The following AGBL5 variants were observed in gnomAD, a reference collection of about 807,000 sequenced individuals.
AGBL5 encodes AGBL carboxypeptidase 5.
Under a neutral mutation model 88.0 loss-of-function variants are expected in AGBL5, and 51 were observed. The observed-to-expected ratio is 0.58, with a 90% CI of 0.46 to 0.73. AGBL5 has a LOEUF of 0.73. Ranked by LOEUF, AGBL5 falls within the 30% of genes least tolerant of loss-of-function variation. The probability of loss-of-function intolerance (pLI) is 0.00; values close to 1 mark genes in which losing one functional copy is unlikely to be tolerated. For missense variants in AGBL5, 1,031 were observed against 1,162.2 expected, an observed-to-expected ratio of 0.89 and a Z score of 1.64; for synonymous variants, 446 against 438.8, an observed-to-expected ratio of 1.02 and a Z score of -0.21.
chr2:27,059,095 C>G, intron 10 of AGBL5, 95 bp from the exon 11 acceptor site: 1 of 1,264,190 alleles, frequency 7.9e-7, no homozygotes. Context: ...GCCTTTTTAC[C>G]CCAGAGGTGA....
At chr2:27,063,044 G>A (rs1049988003) in intron 11 of AGBL5, 2 of 152,248 alleles carry the variant, frequency 1.3e-5, no homozygotes, top group African/African-American at 4.8e-5. Flanking sequence ...AACGGGGTGA[G>A]ATGACCAGAG....
chr2:27,056,256 A>G (rs1396129941), intron 7 of AGBL5, 118 bp downstream of exon 7: 1 of 1,101,086 alleles, frequency 9.1e-7, no homozygotes, highest in African/African-American at 1.6e-5. Context: ...AGGCCTGTGT[A>G]GACTACCTCT....
Position 27,059,233 on chromosome 2 carries a change from C to G in AGBL5, c.1918C>G (p.Arg640Gly), listed in dbSNP as rs1668585265. 6.2e-7 allele frequency: 1 copy of G among 1,614,024 alleles called. No homozygotes were observed. ...SCSENTLSRA[R>G]SFSTGTSAGG... is the part of the protein sequence containing the mutation. ...CTCCGAAAACACCTTGAGTCGGGCA[C>G]GAAGTTTTAGCACCGGCACAAGTGC... Residue 640 changes from arginine (R) to glycine (G), a missense_variant, in exon 11 of 15, where the codon CGA (arginine) becomes GGA (glycine). Transcript: ENST00000360131.
chr2:27,055,096 G>C lies in AGBL5; in HGVS notation c.751G>C (p.Val251Leu). The C allele has an allele frequency of 6.2e-7, 1 of 1,614,164 alleles. No homozygotes were observed. Among genetic ancestry groups the C allele is most frequent in the Non-Finnish European group, 8.5e-7 (1 of 1,180,000 alleles). ...TCAGATATTCTTCTTAAGCAGTAGAGTACACCCAGGGGAGACTCCATCTAG... is the reference window on the plus strand; with the variant it reads ...TCAGATATTCTTCTTAAGCAGTAGACTACACCCAGGGGAGACTCCATCTAG... ...GKRIFFLSSR[V>L]HPGETPSSFV... Residue 251 changes from valine to leucine, a missense_variant, in exon 6 of 15, where the codon GTA becomes CTA. By Grantham distance (32) the Val-to-Leu change is conservative. Coordinates refer to ENST00000360131, the MANE Select transcript of AGBL5 (RefSeq NM_021831.6).
intron 6 of AGBL5, 66 bp from the exon 7 acceptor site, chr2:27,055,616 C>T: frequency 1.4e-6 from 2 of 1,433,336 alleles, no homozygotes; most frequent in Non-Finnish European, 9.5e-7. Context: ...TCCTTTTCAT[C>T]TACACTAGTG....
intron 12 of AGBL5, among the ~76,000 whole-genome samples, chr2:27,068,213 C>G (rs1470900819): frequency 6.6e-6 from 1 of 152,200 alleles, no homozygotes; most frequent in East Asian, 1.9e-4. Context: ...CTGAACCCAC[C>G]AGTCCTGGGT....
At chr2:27,069,864 C>G in intron 14 of AGBL5, 158 bp downstream of exon 14, 1 of 985,154 alleles carries the variant, frequency 1.0e-6, no homozygotes. Flanking sequence ...TTTTTTCCCC[C>G]ACCATGGCCA....
chr2:27,068,965 C>T (rs760925581), intron 13 of AGBL5: 76 of 1,488,992 alleles, frequency 5.1e-5, no homozygotes, highest in Non-Finnish European at 6.5e-5. Context: ...AACCTGTGTC[C>T]CTGCCAGATA....
At chr2:27,056,523 C>T (rs192736704) in intron 7 of AGBL5, 100 bp from the exon 8 acceptor site, 23 of 1,039,866 alleles carry the variant, frequency 2.2e-5, no homozygotes, top group Non-Finnish European at 3.1e-5. Context: ...GTGATGGTAT[C>T]TGCTGTGTAT....
At chr2:27,050,776 G>A (rs1047940389), upstream of AGBL5, among the ~76,000 whole-genome samples, 2 of 152,236 alleles carry the variant, frequency 1.3e-5, no homozygotes, top group Non-Finnish European at 2.9e-5. Flanking sequence ...TCTTATCGCA[G>A]CGGAGCCTTC....
At chr2:27,069,156 TC>T in intron 13 of AGBL5, 1 of 1,340,272 alleles carries the variant, frequency 7.5e-7, no homozygotes, top group Non-Finnish European at 9.8e-7. Context: ...TCAGTCCAGA[TC>T]CCCATGCTAG....
upstream of AGBL5, among the ~76,000 whole-genome samples, chr2:27,051,218 G>A (rs761600256): frequency 2.6e-5 from 4 of 152,328 alleles, no homozygotes; most frequent in East Asian, 1.9e-4. Flanking sequence ...GCAGGCGGGG[G>A]ATTAGCTCAA....
At chr2:27,067,268 A>C (rs1669035387) in intron 11 of AGBL5, among the ~76,000 whole-genome samples, 2 of 151,680 alleles carry the variant, frequency 1.3e-5, no homozygotes, top group Admixed American at 6.6e-5. Context: ...AAAAAAAAAA[A>C]AAAAAAACTA....
intron 11 of AGBL5, among the ~76,000 whole-genome samples, chr2:27,061,391 C>T (rs773382788): frequency 5.3e-5 from 8 of 152,156 alleles, no homozygotes; most frequent in Non-Finnish European, 1.2e-4. Flanking sequence ...CAAACGCCAC[C>T]ACGTCTGGCT....
chr2:27,053,587 G>A lies in AGBL5; in HGVS notation c.387+14G>A. ...CCCACCTTTGAGGTAAGTTCTCCAT[G>A]AGGAGGAAAGAAAGACTTGGGTGCT... On this transcript the variant is annotated intron_variant, in intron 3 of 14. Transcript: ENST00000360131. The surrounding 1 kb of genome is among the most constrained non-coding windows in gnomAD (Gnocchi z 4.9). 2 of 1,598,056 alleles carry A rather than the reference G, an allele frequency of 1.3e-6. No homozygotes were observed. The highest frequency in any genetic ancestry group is 1.7e-6 in the Non-Finnish European group (2 of 1,173,554).
chr2:27,060,749 C>A (rs1432371478), intron 11 of AGBL5, among the ~76,000 whole-genome samples: 1 of 152,204 alleles, frequency 6.6e-6, no homozygotes, highest in African/African-American at 2.4e-5. Context: ...TATCTGCTTC[C>A]AGGCCCCATT....
rs1157463269 is a variant in AGBL5, at chr2:27,053,256, C to T, written c.215+83C>T. Reference sequence around the variant, plus strand: ...CTCTGACTTATCTGTTCATACCCAGCATACTCCCTGTCCATTTCTGACCCA... The same window carrying T: ...CTCTGACTTATCTGTTCATACCCAGTATACTCCCTGTCCATTTCTGACCCA... On this transcript the variant is annotated intron_variant, in intron 2 of 14. Transcript: ENST00000360131. This position sits in a 1 kb window ranked among gnomAD's most constrained non-coding sequence, Gnocchi z 4.9. The T allele has an allele frequency of 1.3e-6, 2 of 1,517,318 alleles. No homozygotes were observed. Among genetic ancestry groups the T allele is most frequent in the Non-Finnish European group, 1.8e-6 (2 of 1,120,444 alleles). 94.0% of individuals were successfully genotyped at this position (1,517,318 alleles called of 1,614,324 possible). A position where few individuals can be genotyped will look rare whatever the true frequency, so the allele number is the denominator to read the frequency against.
rs754247845 is a variant in AGBL5 at position 27,070,154 on chromosome 2, GTCTA to G, written c.2556_2559del (p.Ser853ThrfsTer27). 1.8e-5 allele frequency: 29 copies of G among 1,614,082 alleles called. No individual in the cohort carries two copies. In the East Asian group the frequency reaches 2.0e-4, roughly 11 times the overall value. On this transcript the variant is annotated frameshift_variant, in exon 15 of 15. Coordinates refer to ENST00000360131, the MANE Select transcript of AGBL5 (RefSeq NM_021831.6). LOFTEE classifies it high-confidence loss of function. ...CCTGCCTTTTCTCCTATATCCTGTA[GTCTA>G]TCTGACTCCCCATCCTGGAATTGTT...
chr2:27,056,156 G>C lies in AGBL5; in HGVS notation c.1365+18G>C. The C allele has an allele frequency of 1.9e-6, 3 of 1,602,374 alleles. No homozygotes were observed. Among genetic ancestry groups the C allele is most frequent in the Non-Finnish European group, 2.6e-6 (3 of 1,172,676 alleles). The stretch of plus-strand genomic sequence containing the variant: ...GCACCCAGGTGGGAATCCTAAGAAT[G>C]TCATGTGAGTGTGAGAAGTGTTACA... On this transcript the variant is annotated intron_variant, in intron 7 of 14. Coordinates refer to ENST00000360131, the MANE Select transcript of AGBL5 (RefSeq NM_021831.6).
Sources: allele counts gnomAD v4.1 joint callset (sites outside exome capture counted in the v4.1 genomes callset), GRCh38; gene constraint gnomAD v4.1.1; non-coding constraint Gnocchi (gnomAD v3.1); transcripts MANE v1.5; gene names NCBI Gene and HGNC (gene_info 2026-07-23, HGNC 2026-07-21).